The following AUTS2 variants were observed in gnomAD, a reference collection of about 807,000 sequenced individuals.
AUTS2 encodes activator of transcription and developmental regulator AUTS2, also known as autism susceptibility gene 2 protein.
AUTS2 carries 17 observed loss-of-function variants against 112.4 expected under a neutral mutation model. The ratio of observed to expected loss-of-function variants is 0.15; its 90% CI spans 0.10 to 0.23. The LOEUF (loss-of-function observed/expected upper bound fraction) is 0.23, where lower values mean the gene tolerates loss of function less well. Ranked by LOEUF, AUTS2 falls within the 10% of genes least tolerant of loss-of-function variation. AUTS2 has a pLI of 1.00. For synonymous variants in AUTS2, 751 were observed against 702.7 expected (o/e 1.07, Z -1.09); for missense variants, 1,510 against 1,701.6 (o/e 0.89, Z 1.98).
intron 5 of AUTS2, among the ~76,000 whole-genome samples, chr7:70,624,669 A>C (rs1241261896): frequency 6.6e-6 from 1 of 152,118 alleles, no homozygotes; most frequent in Non-Finnish European, 1.5e-5. Flanking sequence ...ACACTGCTAA[A>C]CATATGCTGC....
intron 4 of AUTS2, among the ~76,000 whole-genome samples, chr7:70,176,175 G>A (rs1048741018): frequency 3.9e-5 from 6 of 152,264 alleles, no homozygotes; most frequent in African/African-American, 1.4e-4. Context: ...GTTACTGCTA[G>A]AATAGGATTG....
intron 6 of AUTS2, among the ~76,000 whole-genome samples, chr7:70,751,343 C>G (rs1788832752): frequency 6.6e-6 from 1 of 152,220 alleles, no homozygotes; most frequent in Non-Finnish European, 1.5e-5. Context: ...AATGTAAATA[C>G]TGGAAGCAGG....
intron 4 of AUTS2, among the ~76,000 whole-genome samples, chr7:70,308,781 A>T (rs368403179): frequency 6.6e-6 from 1 of 152,174 alleles, no homozygotes; most frequent in South Asian, 2.1e-4. Flanking sequence ...ATCTATACAC[A>T]TATTAATTTT....
chr7:70,658,584 G>A (rs762256891), intron 5 of AUTS2, among the ~76,000 whole-genome samples: 12 of 152,154 alleles, frequency 7.9e-5, no homozygotes, highest in Non-Finnish European at 1.3e-4. Context: ...CCTAAATTGC[G>A]AGAGGTACTT....
chr7:69,821,558 A>G (rs1001646781), intron 1 of AUTS2, among the ~76,000 whole-genome samples: 2 of 152,070 alleles, frequency 1.3e-5, no homozygotes, highest in African/African-American at 2.4e-5. Flanking sequence ...CTCTCTTTAC[A>G]ATAAATCTTG....
At chr7:70,064,711 G>A (rs1394047157) in intron 2 of AUTS2, among the ~76,000 whole-genome samples, 1 of 152,158 alleles carries the variant, frequency 6.6e-6, no homozygotes, top group Non-Finnish European at 1.5e-5. Flanking sequence ...CTCCCAAAAT[G>A]GATGGTGAAA....
At chr7:70,420,978 A>G (rs187830959) in intron 4 of AUTS2, among the ~76,000 whole-genome samples, 4 of 152,328 alleles carry the variant, frequency 2.6e-5, no homozygotes, top group Admixed American at 2.6e-4. Context: ...TAAAGAGACA[A>G]TCCATGGCTC....
intron 2 of AUTS2, among the ~76,000 whole-genome samples, chr7:69,981,485 A>G (rs1798292407): frequency 6.6e-6 from 1 of 152,214 alleles, no homozygotes; most frequent in Non-Finnish European, 1.5e-5. Flanking sequence ...ATTAATTTCT[A>G]ATGTTAATAC....
At chr7:70,055,520 A>G (rs1014328271) in intron 2 of AUTS2, among the ~76,000 whole-genome samples, 1 of 152,184 alleles carries the variant, frequency 6.6e-6, no homozygotes, top group Non-Finnish European at 1.5e-5. Flanking sequence ...TTGCTTTGTG[A>G]TACTGTTACA....
At chr7:69,781,217 G>A (rs1789131970) in intron 1 of AUTS2, among the ~76,000 whole-genome samples, 2 of 151,958 alleles carry the variant, frequency 1.3e-5, no homozygotes, top group East Asian at 1.9e-4. Flanking sequence ...CCTAGATGAA[G>A]GTTATCCTTT....
intron 1 of AUTS2, among the ~76,000 whole-genome samples, chr7:69,672,263 T>TTAGTAGAGACG (rs1407842582): frequency 6.6e-6 from 1 of 151,970 alleles, no homozygotes; most frequent in Non-Finnish European, 1.5e-5. Context: ...TTCTCCATGT[T>TTAGTAGAGACG]GGTCAGTCCG....
chr7:69,817,005 A>C (rs576254227), intron 1 of AUTS2, among the ~76,000 whole-genome samples: 1 of 152,318 alleles, frequency 6.6e-6, no homozygotes, highest in African/African-American at 2.4e-5. Flanking sequence ...CAGCAAAATG[A>C]AGATAGTAAT....
chr7:69,694,984 G>A (rs1797495217), intron 1 of AUTS2, among the ~76,000 whole-genome samples: 1 of 152,136 alleles, frequency 6.6e-6, no homozygotes, highest in South Asian at 2.1e-4. Context: ...CCATGGGAGA[G>A]AACGTGGTAA....
intron 17 of AUTS2, 141 bp from the exon 18 acceptor site, chr7:70,787,068 T>C: frequency 1.2e-6 from 1 of 815,784 alleles, no homozygotes; most frequent in South Asian, 1.5e-5. Flanking sequence ...AATTTGTTAA[T>C]CTCCTTTCCT....
At chr7:70,388,491 G>T (rs1793710778) in intron 4 of AUTS2, among the ~76,000 whole-genome samples, 1 of 152,208 alleles carries the variant, frequency 6.6e-6, no homozygotes, top group Non-Finnish European at 1.5e-5. Context: ...TGTCAAGAGA[G>T]TTCTCAGTAG....
At chr7:70,362,017 A>AT (rs1212557464) in intron 4 of AUTS2, among the ~76,000 whole-genome samples, 1 of 152,224 alleles carries the variant, frequency 6.6e-6, no homozygotes, top group Non-Finnish European at 1.5e-5. Flanking sequence ...CAAAGTGATT[A>AT]TTATGTAAAC....
intron 6 of AUTS2, among the ~76,000 whole-genome samples, chr7:70,707,075 A>C (rs776178938): frequency 5.3e-5 from 8 of 152,268 alleles, no homozygotes; most frequent in Non-Finnish European, 1.0e-4. Context: ...TGTGAGGATG[A>C]AACGAGGCAA....
At chr7:70,334,401 G>A (rs1585029245) in intron 4 of AUTS2, among the ~76,000 whole-genome samples, 1 of 152,180 alleles carries the variant, frequency 6.6e-6, no homozygotes, top group East Asian at 1.9e-4. Flanking sequence ...AGAGAAATGC[G>A]ATTCTGGAGA....
In AUTS2 at chr7:70,114,599, CCTGA is replaced by C. The variant is rs1463424275; in HGVS notation, c.523-3531_523-3528del. ...CCTGAGGTTGGGGGTTTGAAACCAA[CCTGA>C]CCAACATGGAGAAACCCCATCTGTA... is the stretch of plus-strand genomic sequence containing the variant. On this transcript the variant is annotated intron_variant, in intron 2 of 18. Coordinates refer to ENST00000342771, the MANE Select transcript of AUTS2 (RefSeq NM_015570.4). 5.9e-5 allele frequency among the ~76,000 whole-genome samples: 9 copies of C among 152,144 alleles called. No individual in the cohort carries two copies. The East Asian group carries it at 1.7e-3, about 30-fold the overall frequency.
Sources: gnomAD v4.1 joint callset for allele counts (sites outside exome capture counted in the v4.1 genomes callset) on GRCh38, gnomAD v4.1.1 for gene constraint, MANE v1.5 for transcripts, NCBI Gene and HGNC (gene_info 2026-07-23, HGNC 2026-07-21) for gene names.